Variants in TMEM74 observed in about 807,000 individuals in gnomAD.
TMEM74 encodes transmembrane protein 74.
A neutral mutation model predicts 18.1 loss-of-function variants in TMEM74; 13 were observed. That is an observed-to-expected ratio of 0.72 (90% confidence interval 0.47 to 1.14). TMEM74 has a LOEUF of 1.14. TMEM74 is among the 50% of genes most tolerant of loss of function. TMEM74 has a pLI of 0.00. For missense variants in TMEM74, 372 were observed against 375.9 expected (o/e 0.99, Z 0.09); for synonymous variants, 159 against 146.6 (o/e 1.08, Z -0.61).
intron 1 of TMEM74, among the ~76,000 whole-genome samples, chr8:108,765,819 A>G (rs532479853): frequency 6.6e-6 from 1 of 152,294 alleles, no homozygotes; most frequent in South Asian, 2.1e-4. Context: ...AAATTATTAT[A>G]CTTACATACA....
At chr8:108,775,835 T>C (rs1814227554), downstream of TMEM74, among the ~76,000 whole-genome samples, 1 of 152,190 alleles carries the variant, frequency 6.6e-6, no homozygotes, top group Non-Finnish European at 1.5e-5. Flanking sequence ...TCTACCCTCT[T>C]CCGGCTCTGG....
chr8:108,722,911 G>C (rs908862067), intron 1 of TMEM74, among the ~76,000 whole-genome samples: 6 of 152,316 alleles, frequency 3.9e-5, no homozygotes, highest in Non-Finnish European at 5.9e-5. Flanking sequence ...GCATATGCTA[G>C]CTGTGGAAGA....
chr8:108,712,398 T>G (rs1438041464), intron 1 of TMEM74, among the ~76,000 whole-genome samples: 13 of 152,206 alleles, frequency 8.5e-5, no homozygotes, highest in Non-Finnish European at 1.5e-4. Context: ...AGTTGATTCA[T>G]GTATGAATTT....
intron 1 of TMEM74, among the ~76,000 whole-genome samples, chr8:108,673,378 G>T (rs1813022348): frequency 6.6e-6 from 1 of 152,190 alleles, no homozygotes; most frequent in Non-Finnish European, 1.5e-5. Context: ...CAGACACAGG[G>T]CCTACAGTGA....
intron 1 of TMEM74, among the ~76,000 whole-genome samples, chr8:108,740,056 C>T (rs1349291426): frequency 6.6e-6 from 1 of 151,998 alleles, no homozygotes; most frequent in African/African-American, 2.4e-5. Context: ...GATGGTTTAG[C>T]ATTTATAAGG....
At chr8:108,654,855 T>C (rs1497628) in intron 2 of TMEM74, among the ~76,000 whole-genome samples, 38,484 of 151,792 alleles carry the variant, frequency 0.25, 5,370 homozygotes, top group East Asian at 0.42. Context: ...AGAACTCTCT[T>C]GTATATATTG....
chr8:108,770,369 C>T (rs977401690), intron 1 of TMEM74, among the ~76,000 whole-genome samples: 13 of 152,150 alleles, frequency 8.5e-5, no homozygotes, highest in African/African-American at 2.7e-4. Flanking sequence ...TTCCCAGAAT[C>T]TTATAGGCCT....
chr8:108,652,603 G>A (rs1354392869), intron 2 of TMEM74: 3 of 623,448 alleles, frequency 4.8e-6, no homozygotes, highest in Non-Finnish European at 9.1e-6. Context: ...GAGACACTGG[G>A]AAAAGATAGT....
At chr8:108,761,461 A>G (rs1814042962) in intron 1 of TMEM74, among the ~76,000 whole-genome samples, 1 of 152,140 alleles carries the variant, frequency 6.6e-6, no homozygotes, top group African/African-American at 2.4e-5. Flanking sequence ...AATGACAGCC[A>G]TAGGTACAGT....
At chr8:108,644,632 A>G (rs1277242031) in intron 2 of TMEM74, among the ~76,000 whole-genome samples, 1 of 146,192 alleles carries the variant, frequency 6.8e-6, no homozygotes, top group African/African-American at 2.5e-5. Flanking sequence ...TAGACTTTAT[A>G]AAGAACTTAA....
At chr8:108,667,370 T>C (rs944684874) in intron 1 of TMEM74, among the ~76,000 whole-genome samples, 9 of 152,200 alleles carry the variant, frequency 5.9e-5, no homozygotes, top group Non-Finnish European at 1.2e-4. Context: ...TGATAATGCA[T>C]GTGAATTAAA....
chr8:108,740,866 A>T (rs1477073931), intron 1 of TMEM74, among the ~76,000 whole-genome samples: 1 of 152,210 alleles, frequency 6.6e-6, no homozygotes, highest in Non-Finnish European at 1.5e-5. Flanking sequence ...GCACATGTGC[A>T]CCTAAAACTA....
intron 1 of TMEM74, among the ~76,000 whole-genome samples, chr8:108,657,875 T>TATATATATATTAATTAC (rs1554630277): frequency 2.9e-4 from 16 of 55,558 alleles, no homozygotes; most frequent in South Asian, 7.3e-4. Context: ...TATATATATA[T>TATATATATATTAATTAC]ATATATATAT....
intron 1 of TMEM74, among the ~76,000 whole-genome samples, chr8:108,744,853 G>A (rs1813834290): frequency 6.6e-6 from 1 of 152,102 alleles, no homozygotes; most frequent in African/African-American, 2.4e-5. Flanking sequence ...GATGTCTGAG[G>A]CCTTCTACAC....
chr8:108,764,688 T>C (rs147362272), intron 1 of TMEM74, among the ~76,000 whole-genome samples: 1 of 152,240 alleles, frequency 6.6e-6, no homozygotes, highest in African/African-American at 2.4e-5. Context: ...GCGGAGGTCA[T>C]GTCTGAATGG....
downstream of TMEM74, among the ~76,000 whole-genome samples, chr8:108,778,808 A>C (rs916687777): frequency 1.3e-5 from 2 of 152,206 alleles, no homozygotes; most frequent in Non-Finnish European, 2.9e-5. Flanking sequence ...AGTGTTTTTA[A>C]AAAATATTTA....
downstream of TMEM74, among the ~76,000 whole-genome samples, chr8:108,778,004 A>C (rs1221255547): frequency 6.6e-6 from 1 of 152,178 alleles, no homozygotes; most frequent in Non-Finnish European, 1.5e-5. Context: ...TAAGCATTTA[A>C]TAAAGATCTA....
At chr8:108,614,945 A>C (rs932358618) in intron 2 of TMEM74, among the ~76,000 whole-genome samples, 5 of 152,222 alleles carry the variant, frequency 3.3e-5, no homozygotes, top group African/African-American at 1.2e-4. Context: ...TATGAATAGA[A>C]TGTTCTGAGA....
Position 108,719,586 on chromosome 8 carries a change from T to C in TMEM74, n.120-64149A>G, listed in dbSNP as rs2935793. Among the ~76,000 whole-genome samples the C allele has an allele frequency of 8.0e-3, 1,221 of 152,304 alleles. 36 individuals carry two copies. In the East Asian group the frequency reaches 0.095, roughly 12 times the overall value. ...GGAAGCCATAAACTTATTGTTTTTA[T>C]ATTTAATATATGGTTTTCTAACAGA... On this transcript the variant is annotated intron_variant and non_coding_transcript_variant, in intron 1 of 3. Transcript: ENST00000518838.
Sources: allele counts gnomAD v4.1 joint callset (sites outside exome capture counted in the v4.1 genomes callset), GRCh38; gene constraint gnomAD v4.1.1; transcripts MANE v1.5; gene names NCBI Gene and HGNC (gene_info 2026-07-23, HGNC 2026-07-21).